IQCB1: variants seen among roughly 807,000 people sequenced by gnomAD.
IQCB1 encodes the protein IQ calmodulin-binding motif-containing protein 1.
Under a neutral mutation model 84.4 loss-of-function variants are expected in IQCB1, and 56 were observed. The ratio of observed to expected loss-of-function variants is 0.66; its 90% CI spans 0.54 to 0.83. IQCB1 has a LOEUF of 0.83. Among genes scored for constraint, IQCB1 ranks in the 40% least tolerant of loss-of-function variants. The pLI is 0.00. For missense variants in IQCB1, 629 were observed against 682.1 expected, an observed-to-expected ratio of 0.92 and a Z score of 0.87; for synonymous variants, 210 against 234.8, an observed-to-expected ratio of 0.89 and a Z score of 0.96.
At chr3:121,795,611 T>TAAAA in intron 9 of IQCB1, 45 bp from the exon 10 acceptor site, 1 of 819,114 alleles carries the variant, frequency 1.2e-6, no homozygotes, top group East Asian at 2.7e-5. Flanking sequence ...GGAAGGTCTT[T>TAAAA]AAAAAAAAAA....
Position 121,770,509 on chromosome 3 carries a change from C to G in IQCB1, c.1633G>C (p.Val545Leu). Residue 545 changes from valine (V) to leucine (L), a missense_variant, in exon 15 of 15, where the codon GTG (valine) becomes CTG (leucine). Physicochemically the swap from Val to Leu is conservative, Grantham distance 32. Transcript: ENST00000310864. ...TGGGCCTGCTTGGCCTTGGCTGCCA[C>G]AGGCCTGGATCTACTTAGGAAGAGC... ...PELFLSRSRPVAAKAKQAHLT... is the reference protein window; with the variant it reads ...PELFLSRSRPLAAKAKQAHLT... 1 of 1,614,200 alleles carries G rather than the reference C, an allele frequency of 6.2e-7. No individual in the cohort carries two copies. The highest frequency in any genetic ancestry group is 8.5e-7 in the Non-Finnish European group (1 of 1,180,038).
chr3:121,808,316 A>T (rs186487407), intron 6 of IQCB1, among the ~76,000 whole-genome samples: 5 of 152,126 alleles, frequency 3.3e-5, no homozygotes, highest in Admixed American at 1.3e-4. Context: ...AGTATTACTT[A>T]AAAAATATTC....
At chr3:121,795,758 G>A (rs1219961687) in intron 9 of IQCB1, among the ~76,000 whole-genome samples, 192 bp from the exon 10 acceptor site, 1 of 152,116 alleles carries the variant, frequency 6.6e-6, no homozygotes, top group Non-Finnish European at 1.5e-5. Context: ...ACATACTCAA[G>A]ATATAGTCTA....
At chr3:121,829,078 T>C in intron 2 of IQCB1, 106 bp from the exon 3 acceptor site, 1 of 711,538 alleles carries the variant, frequency 1.4e-6, no homozygotes, top group Non-Finnish European at 2.5e-6. Context: ...ACAGCTTTTC[T>C]TGCCTTGTTT....
At position 121,781,844 on chromosome 3, in the gene IQCB1, T is replaced by C. The variant is rs926668992; in HGVS notation, c.1309A>G (p.Lys437Glu). 3 of 1,613,828 alleles carry C rather than the reference T, an allele frequency of 1.9e-6. No individual in the cohort carries two copies. The highest frequency in any genetic ancestry group is 1.7e-5 in the Admixed American group (1 of 60,008). ...CGCCAAGGAGCAAATAGTTTCTTTTTCTTACGGCACTTCGCTAGGAATTTA... is the reference window on the plus strand; with the variant it reads ...CGCCAAGGAGCAAATAGTTTCTTTTCCTTACGGCACTTCGCTAGGAATTTA... Reference protein sequence around the residue: ...ALKFLAKCRKKKKLFAPWRGL... With the variant: ...ALKFLAKCRKEKKLFAPWRGL... Residue 437 changes from lysine (K) to glutamate (E), a missense_variant, in exon 13 of 15, where the codon AAA becomes GAA. Physicochemically the swap from Lys to Glu is moderately conservative, Grantham distance 56 (BLOSUM62 1). Transcript: ENST00000310864.
rs779916519 is a variant in IQCB1 at position 121,795,574 on chromosome 3, G to C, written c.877-8C>G. 6 of 1,525,218 alleles carry C rather than the reference G, an allele frequency of 3.9e-6. No individual in the cohort carries two copies. In the East Asian group the frequency reaches 1.4e-4, roughly 34 times the overall value. The allele number at this position is 1,525,218 out of a possible 1,614,324, so 94.5% of individuals were successfully genotyped here. ...TGCTGCTTGATGTAGTTTCTGAAAT[G>C]CCGAAAATAATTTAGAGATATCTCT... On this transcript the variant is annotated splice_polypyrimidine_tract_variant and splice_region_variant and intron_variant, in intron 9 of 14. Transcript: ENST00000310864.
intron 10 of IQCB1, 45 bp from the exon 11 acceptor site, chr3:121,790,260 TG>T (rs1559765814): frequency 6.4e-7 from 1 of 1,568,844 alleles, no homozygotes. Context: ...ATAAATCATA[TG>T]AAAAAATGCA....
chr3:121,808,828 T>G (rs1949709166), intron 6 of IQCB1, 88 bp downstream of exon 6: 6 of 779,922 alleles, frequency 7.7e-6, no homozygotes, highest in African/African-American at 1.7e-5. Flanking sequence ...GCACAGTTCA[T>G]GTGGCATTTG....
chr3:121,803,340 C>T (rs904439610), intron 7 of IQCB1, among the ~76,000 whole-genome samples: 3 of 152,172 alleles, frequency 2.0e-5, no homozygotes, highest in East Asian at 3.8e-4. Flanking sequence ...TGTGAGCCAC[C>T]GTGCCCGGCC....
chr3:121,797,857 G>A (rs1010494173), intron 8 of IQCB1, among the ~76,000 whole-genome samples: 2 of 151,970 alleles, frequency 1.3e-5, no homozygotes, highest in African/African-American at 4.8e-5. Context: ...ACACTGAAAT[G>A]ATGTATTATA....
intron 14 of IQCB1, among the ~76,000 whole-genome samples, chr3:121,770,790 C>A (rs1947947172): frequency 6.6e-6 from 1 of 152,164 alleles, no homozygotes; most frequent in South Asian, 2.1e-4. Context: ...TCAAGTGATT[C>A]TCCCACCTCA....
intron 9 of IQCB1, 38 bp from the exon 10 acceptor site, chr3:121,795,604 A>G (rs930302036): frequency 8.6e-7 from 1 of 1,168,120 alleles, no homozygotes; most frequent in Non-Finnish European, 1.2e-6. Context: ...ATCTCTAGGA[A>G]GGTCTTTAAA....
chr3:121,818,695 G>C (rs146789081), intron 5 of IQCB1, among the ~76,000 whole-genome samples: 2 of 152,286 alleles, frequency 1.3e-5, no homozygotes, highest in African/African-American at 4.8e-5. Context: ...TTTTAAAAGA[G>C]AGATTATAAT....
chr3:121,793,673 AAC>A (rs1949077666), intron 10 of IQCB1, among the ~76,000 whole-genome samples: 1 of 152,232 alleles, frequency 6.6e-6, no homozygotes, highest in Non-Finnish European at 1.5e-5. Flanking sequence ...AAAGGCAACA[AAC>A]ACAAAATGTG....
chr3:121,803,605 GTTC>G (rs1294970252), intron 7 of IQCB1, among the ~76,000 whole-genome samples: 10 of 152,246 alleles, frequency 6.6e-5, no homozygotes, highest in African/African-American at 2.4e-4. Flanking sequence ...TCTCCTTGTA[GTTC>G]TTGTCAATTT....
At chr3:121,829,993 G>A (rs774143917) in intron 2 of IQCB1, among the ~76,000 whole-genome samples, 7 of 152,010 alleles carry the variant, frequency 4.6e-5, no homozygotes, top group East Asian at 3.9e-4. Context: ...AATCACTTGC[G>A]GTCAGGAGTT....
chr3:121,812,944 G>A (rs569780270), intron 5 of IQCB1, among the ~76,000 whole-genome samples: 1 of 152,254 alleles, frequency 6.6e-6, no homozygotes, highest in South Asian at 2.1e-4. Flanking sequence ...CTCGAGAATA[G>A]TAACCCCAAC....
intron 9 of IQCB1, among the ~76,000 whole-genome samples, 173 bp downstream of exon 9, chr3:121,796,945 C>T (rs1404494413): frequency 6.6e-6 from 1 of 152,048 alleles, no homozygotes; most frequent in African/African-American, 2.4e-5. Flanking sequence ...AATTCCTGGA[C>T]TCAAGCAATC....
intron 2 of IQCB1, 61 bp from the exon 3 acceptor site, chr3:121,829,033 A>C: frequency 1.2e-6 from 1 of 862,698 alleles, no homozygotes; most frequent in South Asian, 1.4e-5. Context: ...CACTACCTAA[A>C]TAATGTTTGA....
Sources: allele counts gnomAD v4.1 joint callset (sites outside exome capture counted in the v4.1 genomes callset), GRCh38; gene constraint gnomAD v4.1.1; transcripts MANE v1.5; gene names NCBI Gene and HGNC (gene_info 2026-07-23, HGNC 2026-07-21).